XPNPEP3: variants seen among roughly 807,000 people sequenced by gnomAD.
The protein encoded by XPNPEP3 is xaa-Pro aminopeptidase 3.
Under a neutral mutation model 60.0 loss-of-function variants are expected in XPNPEP3, and 41 were observed. The observed-to-expected ratio is 0.68, with a 90% CI of 0.53 to 0.89. The LOEUF is 0.89. Among genes scored for constraint, XPNPEP3 ranks in the 40% least tolerant of loss-of-function variants. XPNPEP3 has a pLI of 0.00. For missense variants in XPNPEP3, 598 were observed against 638.9 expected (o/e 0.94, Z 0.69); for synonymous variants, 212 against 223.2 (o/e 0.95, Z 0.45).
chr22:40,918,179 C>A (rs1024477018), intron 7 of XPNPEP3, among the ~76,000 whole-genome samples: 1 of 151,932 alleles, frequency 6.6e-6, no homozygotes, highest in Non-Finnish European at 1.5e-5. Flanking sequence ...CAAAACCAGT[C>A]TGGGCAACAC....
At chr22:40,907,754 A>C in intron 5 of XPNPEP3, 105 bp downstream of exon 5, 1 of 1,081,428 alleles carries the variant, frequency 9.2e-7, no homozygotes, top group Non-Finnish European at 1.4e-6. Flanking sequence ...GATGACCAGC[A>C]TGTCATTGGA....
chr22:40,876,644 C>A (rs1276035881), intron 2 of XPNPEP3, among the ~76,000 whole-genome samples: 1 of 150,808 alleles, frequency 6.6e-6, no homozygotes, highest in East Asian at 1.9e-4. Flanking sequence ...AATACCTATG[C>A]CAAACATAAT....
chr22:40,874,584 C>T (rs2058020456), intron 2 of XPNPEP3, among the ~76,000 whole-genome samples: 1 of 151,992 alleles, frequency 6.6e-6, no homozygotes, highest in African/African-American at 2.4e-5. Context: ...CACCATCATG[C>T]CCAGCTAATT....
intron 6 of XPNPEP3, among the ~76,000 whole-genome samples, chr22:40,913,896 G>T (rs184153300): frequency 6.6e-6 from 1 of 152,094 alleles, no homozygotes; most frequent in Admixed American, 6.6e-5. Flanking sequence ...TGTAATCCCC[G>T]CACTTTGGGA....
intron 8 of XPNPEP3, among the ~76,000 whole-genome samples, chr22:40,923,323 A>C (rs915785640): frequency 6.6e-6 from 1 of 152,144 alleles, no homozygotes; most frequent in Non-Finnish European, 1.5e-5. Context: ...CACTTCAGCA[A>C]TATTCCCAAA....
At chr22:40,907,303 C>T in intron 4 of XPNPEP3, 1 of 417,812 alleles carries the variant, frequency 2.4e-6, no homozygotes, top group Non-Finnish European at 4.6e-6. Flanking sequence ...CGCCTGTAGT[C>T]CCAGCTACTC....
chr22:40,873,187 C>T (rs2058014391), intron 2 of XPNPEP3, among the ~76,000 whole-genome samples: 1 of 148,388 alleles, frequency 6.7e-6, no homozygotes, highest in Non-Finnish European at 1.5e-5. Flanking sequence ...TCACTGCAAC[C>T]TCCGCCTCCC....
At chr22:40,860,890 C>T in intron 1 of XPNPEP3, 2 of 688,154 alleles carry the variant, frequency 2.9e-6, no homozygotes, top group South Asian at 2.1e-5. Context: ...CAACTGTCAC[C>T]ACAAACTCAT....
intron 4 of XPNPEP3, among the ~76,000 whole-genome samples, chr22:40,904,107 A>G (rs1346807650): frequency 1.3e-5 from 2 of 152,108 alleles, no homozygotes; most frequent in Non-Finnish European, 2.9e-5. Flanking sequence ...TTAAGTCTTT[A>G]TTGGGAGTAT....
In XPNPEP3 at chr22:40,860,987, T is replaced by G. The variant is rs2057940788; in HGVS notation, c.64+3742T>G. On this transcript the variant is annotated intron_variant, in intron 1 of 9. Coordinates refer to ENST00000357137, the MANE Select transcript of XPNPEP3 (RefSeq NM_022098.4). ...TGTTGAAAAGCTCTTAGTATAGTATTAAGTGTTATCTACAAAATTTGTGAT... is the reference window on the plus strand; with the variant it reads ...TGTTGAAAAGCTCTTAGTATAGTATGAAGTGTTATCTACAAAATTTGTGAT... 5 of 1,353,014 alleles carry G rather than the reference T, an allele frequency of 3.7e-6. No individual in the cohort carries two copies. In the South Asian group the frequency reaches 5.7e-5, roughly 15 times the overall value. 83.8% of individuals were successfully genotyped at this position (1,353,014 alleles called of 1,614,324 possible).
chr22:40,904,082 A>G (rs1274335316), intron 4 of XPNPEP3, among the ~76,000 whole-genome samples: 3 of 152,196 alleles, frequency 2.0e-5, no homozygotes, highest in Non-Finnish European at 4.4e-5. Context: ...GGTAGCACTT[A>G]GTGAAGTAAG....
chr22:40,926,604 A>C lies in XPNPEP3; in HGVS notation c.*169A>C. On this transcript the variant is annotated 3_prime_UTR_variant, in exon 10 of 10. Transcript: ENST00000357137. ...TGTGTGTGGGGGGTTTTTTGTTTTA[A>C]GTAGTTAGAAGTCTGGGAAAATGAA... The C allele has an allele frequency of 1.3e-6, 1 of 794,248 alleles. No individual in the cohort carries two copies. The allele number at this position is 794,248 out of a possible 1,614,324, so 49.2% of individuals were successfully genotyped here.
intron 3 of XPNPEP3, among the ~76,000 whole-genome samples, chr22:40,886,054 A>G (rs1044311492): frequency 6.6e-6 from 1 of 152,128 alleles, no homozygotes; most frequent in Non-Finnish European, 1.5e-5. Context: ...ATCCTTTATA[A>G]AGAACACTGA....
At chr22:40,914,531 A>ATTTTTTTTT (rs560908648) in intron 7 of XPNPEP3, among the ~76,000 whole-genome samples, 5 of 67,658 alleles carry the variant, frequency 7.4e-5, no homozygotes, top group Admixed American at 1.7e-4. Flanking sequence ...ACTAACAAAG[A>ATTTTTTTTT]TTTTTTTTTT....
At chr22:40,912,774 G>A (rs1601517386) in intron 6 of XPNPEP3, among the ~76,000 whole-genome samples, 1 of 152,258 alleles carries the variant, frequency 6.6e-6, no homozygotes, top group South Asian at 2.1e-4. Context: ...GGAGGCTGAG[G>A]CGGGAGAATC....
At chr22:40,873,948 A>G (rs906744730) in intron 2 of XPNPEP3, among the ~76,000 whole-genome samples, 2 of 152,194 alleles carry the variant, frequency 1.3e-5, no homozygotes, top group African/African-American at 4.8e-5. Context: ...TAAGAGTTTC[A>G]AAATCAGCTG....
chr22:40,882,769 ATAATT>A lies in XPNPEP3; in HGVS notation c.589+596_589+600del, dbSNP rs200037478. On this transcript the variant is annotated intron_variant, in intron 3 of 9. Coordinates refer to ENST00000357137, the MANE Select transcript of XPNPEP3 (RefSeq NM_022098.4). ...AAAAAAAATAATAAAATGAAAGTAT[ATAATT>A]TAAGAGTTTTTGGTATAGTCATAGA... is the stretch of plus-strand genomic sequence containing the variant. 1.8e-4 allele frequency among the ~76,000 whole-genome samples: 28 copies of A among 152,328 alleles called. No individual in the cohort carries two copies. The East Asian group carries it at 5.4e-3, about 29-fold the overall frequency.
chr22:40,912,102 T>C (rs2058179301), intron 6 of XPNPEP3, among the ~76,000 whole-genome samples: 1 of 152,178 alleles, frequency 6.6e-6, no homozygotes, highest in Non-Finnish European at 1.5e-5. Flanking sequence ...AAAAATGTTA[T>C]TTATGTTAAC....
intron 7 of XPNPEP3, among the ~76,000 whole-genome samples, chr22:40,920,578 G>C (rs1393850177): frequency 6.6e-6 from 1 of 152,122 alleles, no homozygotes; most frequent in African/African-American, 2.4e-5. Context: ...CTTTTGGTTT[G>C]TGTTTCAGCC....
Sources: gnomAD v4.1 joint callset for allele counts (sites outside exome capture counted in the v4.1 genomes callset) on GRCh38, gnomAD v4.1.1 for gene constraint, MANE v1.5 for transcripts, NCBI Gene and HGNC (gene_info 2026-07-23, HGNC 2026-07-21) for gene names.